FER1L5: variants seen among roughly 807,000 people sequenced by gnomAD.
FER1L5 encodes the protein fer-1 like family member 5, also known as fer-1-like protein 5.
In FER1L5, 187 loss-of-function variants were observed where a neutral mutation model predicts 279.9. The observed-to-expected ratio is 0.67, with a 90% CI of 0.59 to 0.75. The LOEUF is 0.75. Among genes scored for constraint, FER1L5 ranks in the 30% least tolerant of loss-of-function variants. The pLI is 0.00. For missense variants in FER1L5, 2,091 were observed against 2,594.4 expected, an observed-to-expected ratio of 0.81 and a Z score of 4.21; for synonymous variants, 921 against 989.7, an observed-to-expected ratio of 0.93 and a Z score of 1.30.
rs1271178720 is a variant in FER1L5, at chr2:96,700,076, C to T, written c.4926C>T (p.Ser1642=). The change falls in exon 44 of 53, where the codon AGC becomes AGT. Residue 1642 remains serine (S), a synonymous_variant. Transcript: ENST00000624922. Reference sequence around the variant, plus strand: ...ATGGGAAAAAGTTCAAGCTGCAAAGCTTTGGTGAGCAGCGCAGAACACTAG... The same window carrying T: ...ATGGGAAAAAGTTCAAGCTGCAAAGTTTTGGTGAGCAGCGCAGAACACTAG... ...FYNGKKFKLQ[S]FEPKTPTVHG... 1 of 1,613,808 alleles carries T rather than the reference C, an allele frequency of 6.2e-7. No individual in the cohort carries two copies. Among genetic ancestry groups the T allele is most frequent in the African/African-American group, 1.3e-5 (1 of 75,032 alleles).
At chr2:96,692,419 A>C (rs1453453713) in intron 31 of FER1L5, among the ~76,000 whole-genome samples, 1 of 152,200 alleles carries the variant, frequency 6.6e-6, no homozygotes, top group Non-Finnish European at 1.5e-5. Flanking sequence ...CAAGCAGCTC[A>C]TGGTCCTGGT....
chr2:96,703,365 C>T lies in FER1L5; in HGVS notation c.5691+19C>T. ...CTTGTCGGTAGGAGCTGGGGAGTGTCTACTGATTAGGGCTGCTATGCCACA... is the reference window on the plus strand; with the variant it reads ...CTTGTCGGTAGGAGCTGGGGAGTGTTTACTGATTAGGGCTGCTATGCCACA... On this transcript the variant is annotated intron_variant, in intron 50 of 52. Transcript: ENST00000624922. The T allele has an allele frequency of 6.2e-7, 1 of 1,603,542 alleles. No individual in the cohort carries two copies. The highest frequency in any genetic ancestry group is 8.5e-7 in the Non-Finnish European group (1 of 1,175,026).
chr2:96,691,939 C>T lies in FER1L5; in HGVS notation c.3190C>T (p.Pro1064Ser). Reference protein sequence around the residue: ...QRQDTRPPNLPFIYCTFNKPH... With the variant: ...QRQDTRPPNLSFIYCTFNKPH... ...GCAGGACACCCGGCCCCCCAACTTGCCCTTCATCTACTGCACCTTCAATAG... is the reference window on the plus strand; with the variant it reads ...GCAGGACACCCGGCCCCCCAACTTGTCCTTCATCTACTGCACCTTCAATAG... Residue 1064 changes from proline to serine, a missense_variant, in exon 30 of 53, where the codon CCC becomes TCC. Transcript: ENST00000624922. The surrounding 1 kb of genome is among the most constrained non-coding windows in gnomAD (Gnocchi z 6.0). 6.4e-7 allele frequency: 1 copy of T among 1,550,500 alleles called. No individual in the cohort carries two copies. The highest frequency in any genetic ancestry group is 8.7e-7 in the Non-Finnish European group (1 of 1,146,716).
At chr2:96,672,660 ATGTGTGTGTGTGTGTG>A (rs140636948) in intron 18 of FER1L5, among the ~76,000 whole-genome samples, 1 of 148,174 alleles carries the variant, frequency 6.7e-6, no homozygotes, top group Non-Finnish European at 1.5e-5. Context: ...GGGAGTATGA[ATGTGTGTGTGTGTGTG>A]TGTGTGTGTG....
At chr2:96,687,721 G>GC in intron 23 of FER1L5, 95 bp from the exon 24 acceptor site, 1 of 1,500,780 alleles carries the variant, frequency 6.7e-7, no homozygotes, top group East Asian at 2.5e-5. Context: ...CCAGGGCTCA[G>GC]GGGGGAAGGG....
At position 96,699,965 on chromosome 2, in the gene FER1L5, C is replaced by T; in HGVS notation, c.4815C>T (p.Pro1605=). 6.2e-7 allele frequency: 1 copy of T among 1,613,952 alleles called. No individual in the cohort carries two copies. The highest frequency in any genetic ancestry group is 1.3e-5 in the African/African-American group (1 of 75,042). The change falls in exon 44 of 53, where the codon CCC becomes CCT. Residue 1605 remains proline (P), a synonymous_variant. Coordinates refer to ENST00000624922, the MANE Select transcript of FER1L5 (RefSeq NM_001293083.2). The stretch of plus-strand genomic sequence containing the variant: ...CCTTTAGATGGCGGGATCAGATGCC[C>T]CCAAGCTACCTCCTAGAACGCTATG... ...SGPFRWRDQM[P]PSYLLERYAK... is the part of the protein sequence containing the mutation.
intron 17 of FER1L5, among the ~76,000 whole-genome samples, chr2:96,669,532 C>T (rs1054264848): frequency 2.0e-5 from 3 of 152,302 alleles, no homozygotes; most frequent in Non-Finnish European, 2.9e-5. Context: ...CCTGTCCGCC[C>T]GGATCTACTG....
chr2:96,690,582 C>G lies in FER1L5; in HGVS notation c.2736C>G (p.Asp912Glu). ...DWVVELNHAV[D>E]SKGWEYGVGI... is the part of the protein sequence containing the mutation. ...TGGTGGAGCTGAACCACGCAGTGGA[C>G]AGTAAGGGTCAGTCGTTTGGTCAGG... The change falls in exon 27 of 53, where the codon GAC becomes GAG. Residue 912 changes from aspartate to glutamate, a missense_variant. Coordinates refer to ENST00000624922, the MANE Select transcript of FER1L5 (RefSeq NM_001293083.2). 1 of 1,551,478 alleles carries G rather than the reference C, an allele frequency of 6.4e-7. No homozygotes were observed. Among genetic ancestry groups the G allele is most frequent in the Non-Finnish European group, 8.7e-7 (1 of 1,146,824 alleles).
chr2:96,687,982 G>A, intron 24 of FER1L5, 35 bp downstream of exon 24: 1 of 1,549,114 alleles, frequency 6.5e-7, no homozygotes. Flanking sequence ...GCCAGGGCAG[G>A]CACGCGGGGG....
At chr2:96,686,484 T>A in intron 23 of FER1L5, 134 bp downstream of exon 23, 1 of 1,029,226 alleles carries the variant, frequency 9.7e-7, no homozygotes, top group Admixed American at 2.9e-5. Flanking sequence ...GTTGAAACAG[T>A]CCCCAGAGGA....
chr2:96,697,764 T>C lies in FER1L5; in HGVS notation c.4236+3T>C, dbSNP rs765836516. On this transcript the variant is annotated splice_donor_region_variant and intron_variant, in intron 39 of 52. Transcript: ENST00000624922. Reference sequence around the variant, plus strand: ...ACAAAGACTACCACACCCTCAAGGTTTGAAGGAGGGAAGAAATGGGATGGA... The same window carrying C: ...ACAAAGACTACCACACCCTCAAGGTCTGAAGGAGGGAAGAAATGGGATGGA... 3.1e-6 allele frequency: 5 copies of C among 1,613,606 alleles called. No individual in the cohort carries two copies. Among genetic ancestry groups the C allele is most frequent in the Non-Finnish European group, 4.2e-6 (5 of 1,179,726 alleles).
intron 5 of FER1L5, 127 bp from the exon 6 acceptor site, chr2:96,650,053 T>C (rs1322237301): frequency 4.2e-6 from 3 of 722,214 alleles, no homozygotes; most frequent in South Asian, 1.7e-5. Context: ...TATGTCACTG[T>C]TGGGGCCTCT....
chr2:96,689,319 T>C lies in FER1L5; in HGVS notation c.2468T>C (p.Phe823Ser). ...AACAAGACCCTCCCCATGACGGATT[T>C]CCAACCACCCCTGGGATGGCACTGG... ...MGNKTLPMTD[F>S]QPPLGWHWQD... The change falls in exon 25 of 53, where the codon TTC becomes TCC. Residue 823 changes from phenylalanine (F) to serine (S), a missense_variant. Coordinates refer to ENST00000624922, the MANE Select transcript of FER1L5 (RefSeq NM_001293083.2). This position sits in a 1 kb window ranked among gnomAD's most constrained non-coding sequence, Gnocchi z 4.6. 1 of 1,550,322 alleles carries C rather than the reference T, an allele frequency of 6.5e-7. No individual in the cohort carries two copies. The highest frequency in any genetic ancestry group is 8.7e-7 in the Non-Finnish European group (1 of 1,146,620).
chr2:96,701,329 T>C (rs2077578474), intron 45 of FER1L5, among the ~76,000 whole-genome samples: 1 of 152,136 alleles, frequency 6.6e-6, no homozygotes. Flanking sequence ...TAAAAAACCA[T>C]TCCCATTAAA....
At chr2:96,666,731 A>G (rs2076141046) in intron 14 of FER1L5, among the ~76,000 whole-genome samples, 2 of 151,670 alleles carry the variant, frequency 1.3e-5, no homozygotes, top group African/African-American at 4.8e-5. Flanking sequence ...GCTCACTGCA[A>G]CCTCCACCTC....
intron 24 of FER1L5, among the ~76,000 whole-genome samples, chr2:96,688,689 G>A (rs1209700068): frequency 1.3e-5 from 2 of 152,128 alleles, no homozygotes; most frequent in Non-Finnish European, 2.9e-5. Flanking sequence ...CGTAGGTCTT[G>A]GAGGCGCAGA....
At chr2:96,679,501 C>T (rs920867482) in intron 19 of FER1L5, among the ~76,000 whole-genome samples, 8 of 152,150 alleles carry the variant, frequency 5.3e-5, no homozygotes, top group Non-Finnish European at 7.3e-5. Context: ...GGATTACAGG[C>T]GTGAGCCACC....
At chr2:96,703,732 C>A in intron 51 of FER1L5, 100 bp downstream of exon 51, 1 of 983,220 alleles carries the variant, frequency 1.0e-6, no homozygotes, top group Non-Finnish European at 1.6e-6. Context: ...TAATTACCTC[C>A]CACCCCACAG....
intron 44 of FER1L5, 89 bp downstream of exon 44, chr2:96,700,169 G>A: frequency 6.4e-7 from 1 of 1,569,366 alleles, no homozygotes; most frequent in South Asian, 1.2e-5. Flanking sequence ...AGACTTGGGG[G>A]AGAAAGGGGA....
Sources: allele counts gnomAD v4.1 joint callset (sites outside exome capture counted in the v4.1 genomes callset), GRCh38; gene constraint gnomAD v4.1.1; non-coding constraint Gnocchi (gnomAD v3.1); transcripts MANE v1.5; gene names NCBI Gene and HGNC (gene_info 2026-07-23, HGNC 2026-07-21).